SGO1: variants seen among roughly 807,000 people sequenced by gnomAD.
The protein encoded by SGO1 is shugoshin 1.
Under a neutral mutation model 50.5 loss-of-function variants are expected in SGO1, and 39 were observed. That is an observed-to-expected ratio of 0.77 (90% CI 0.60 to 1.01). The LOEUF is 1.01. SGO1 is among the 50% of genes least tolerant of loss of function. The pLI is 0.00. For synonymous variants in SGO1, 191 were observed against 205.1 expected (o/e 0.93, Z 0.59); for missense variants, 638 against 606.0 (o/e 1.05, Z -0.55).
exon 9 of SGO1, chr3:20,161,182 A>G (rs1700019191): frequency 1.2e-6 from 2 of 1,610,112 alleles, no homozygotes; most frequent in Admixed American, 1.7e-5. Context: ...CGAACATAAT[A>G]TAAAATAAAA....
intron 3 of SGO1, among the ~76,000 whole-genome samples, chr3:20,182,858 A>C (rs1463691444): frequency 6.6e-6 from 1 of 152,062 alleles, no homozygotes; most frequent in Non-Finnish European, 1.5e-5. Context: ...CTCTACTAAA[A>C]ATACAAAAAA....
At chr3:20,165,439 A>G (rs998478162), downstream of SGO1, among the ~76,000 whole-genome samples, 1 of 152,228 alleles carries the variant, frequency 6.6e-6, no homozygotes, top group African/African-American at 2.4e-5. Flanking sequence ...AAAAATCAAT[A>G]AAAGCAAAAT....
At chr3:20,161,186 A>G (rs534917089) in exon 9 of SGO1, 1 of 1,610,076 alleles carries the variant, frequency 6.2e-7, no homozygotes, top group South Asian at 1.1e-5. Context: ...CATAATATAA[A>G]ATAAAAATTG....
downstream of SGO1, chr3:20,169,045 TAAA>T: frequency 1.0e-6 from 1 of 985,028 alleles, no homozygotes; most frequent in Non-Finnish European, 1.2e-6. Flanking sequence ...AAAAAAAACT[TAAA>T]AATTAAGAGA....
rs778735689 is a variant in SGO1 at position 20,176,630 on chromosome 3, G to C, written c.446C>G (p.Pro149Arg). ...TATTTGAAATGATTCTCCTTGTCCTGGAAGTTCAGTTTCTTCAAGAGGAAT... is the reference window on the plus strand; with the variant it reads ...TATTTGAAATGATTCTCCTTGTCCTCGAAGTTCAGTTTCTTCAAGAGGAAT... ...PQIPLEETEL[P>R]GQGESFQIED... Residue 149 changes from proline to arginine, a missense_variant, in exon 5 of 8, where the codon CCA (proline) becomes CGA (arginine). Pro to Arg is a moderately radical substitution (Grantham distance 103). Transcript: ENST00000412997. The C allele has an allele frequency of 1.9e-6, 3 of 1,562,018 alleles. No individual in the cohort carries two copies. Among genetic ancestry groups the C allele is most frequent in the East Asian group, 4.7e-5 (2 of 42,490 alleles).
chr3:20,171,197 T>C lies in SGO1; in HGVS notation c.1318A>G (p.Ser440Gly), dbSNP rs375090371. ...PPETQQSPHL[S>G]LKDITNVSLY... ...GAGACATTGGTGATATCCTTCAGGCTAAGATGAGGTGACTGCTGAGTTTCA... is the reference window on the plus strand; with the variant it reads ...GAGACATTGGTGATATCCTTCAGGCCAAGATGAGGTGACTGCTGAGTTTCA... The change falls in exon 7 of 8, where the codon AGC (serine) becomes GGC (glycine). Residue 440 changes from serine to glycine, a missense_variant. Transcript: ENST00000412997. 35 of 1,605,856 alleles carry C rather than the reference T, an allele frequency of 2.2e-5. No homozygotes were observed. In the African/African-American group the frequency reaches 4.7e-4, roughly 22 times the overall value.
chr3:20,169,696 A>G lies in SGO1; in HGVS notation c.*1008T>C, dbSNP rs1467063615. ...AGGAGCTACCCTGAAAGTACATGAC[A>G]TTTGTAATTTTATGGAGACATCACT... On this transcript the variant is annotated 3_prime_UTR_variant, in exon 8 of 8. Transcript: ENST00000412997. The G allele has an allele frequency of 1.1e-6, 1 of 914,220 alleles. No individual in the cohort carries two copies. Among genetic ancestry groups the G allele is most frequent in the East Asian group, 1.2e-4 (1 of 8,470 alleles). The allele number at this position is 914,220 out of a possible 1,614,324, so 56.6% of individuals were successfully genotyped here.
At chr3:20,170,853 C>T (rs756287205) in intron 7 of SGO1, 38 bp from the exon 8 acceptor site, 5 of 1,572,492 alleles carry the variant, frequency 3.2e-6, no homozygotes. Context: ...ATAATGTAAG[C>T]ATCCCAATAT....
chr3:20,160,876 A>G, exon 9 of SGO1: 1 of 369,312 alleles, frequency 2.7e-6, no homozygotes, highest in Non-Finnish European at 4.8e-6. Flanking sequence ...ACCAAAAGGA[A>G]ACTTAAAAGA....
rs1701108758 is a variant in SGO1, at chr3:20,174,315, T to C, written c.1216A>G (p.Lys406Glu). Residue 406 changes from lysine to glutamate, a missense_variant, in exon 6 of 8, where the codon AAA (lysine) becomes GAA (glutamate). Physicochemically the swap from Lys to Glu is moderately conservative, Grantham distance 56. Transcript: ENST00000412997. ...SDRPVTRPLA[K>E]RALKYTDEKE... is the part of the protein sequence containing the mutation. Reference sequence around the variant, plus strand: ...TCATCTGTGTATTTCAGTGCTCTTTTAGCTAGAGGCCTGGTGACTGGTCTA... The same window carrying C: ...TCATCTGTGTATTTCAGTGCTCTTTCAGCTAGAGGCCTGGTGACTGGTCTA... 1.2e-6 allele frequency: 2 copies of C among 1,614,064 alleles called. No homozygotes were observed. Among genetic ancestry groups the C allele is most frequent in the South Asian group, 1.1e-5 (1 of 91,080 alleles).
Position 20,172,041 on chromosome 3 carries a change from T to C in SGO1, c.1283-809A>G, listed in dbSNP as rs537745179. 1.0e-4 allele frequency among the ~76,000 whole-genome samples: 16 copies of C among 152,382 alleles called. No homozygotes were observed. In the South Asian group the frequency reaches 3.1e-3, roughly 30 times the overall value. On this transcript the variant is annotated intron_variant, in intron 6 of 7. Transcript: ENST00000412997. Reference sequence around the variant, plus strand: ...CTAAGAGCCATATGCTCCAGTGTTATCTGGGTTTTATAGTCTGTCCTTTTT... The same window carrying C: ...CTAAGAGCCATATGCTCCAGTGTTACCTGGGTTTTATAGTCTGTCCTTTTT...
downstream of SGO1, chr3:20,168,871 G>T (rs1700454153): frequency 1.2e-6 from 1 of 826,580 alleles, no homozygotes; most frequent in Admixed American, 6.2e-5. Flanking sequence ...GACCTCTCGT[G>T]ATCTGCCCGC....
chr3:20,174,198 G>T, intron 6 of SGO1, 51 bp downstream of exon 6: 1 of 1,387,130 alleles, frequency 7.2e-7, no homozygotes, highest in South Asian at 1.2e-5. Flanking sequence ...CATCAGGAGT[G>T]ATCATTTATC....
intron 6 of SGO1, among the ~76,000 whole-genome samples, chr3:20,171,738 A>T (rs1700767916): frequency 6.6e-6 from 1 of 152,168 alleles, no homozygotes; most frequent in African/African-American, 2.4e-5. Flanking sequence ...CTCTTCCTAT[A>T]GTCTTATAAA....
intron 8 of SGO1, among the ~76,000 whole-genome samples, chr3:20,162,139 G>A (rs1700071967): frequency 6.6e-6 from 1 of 152,182 alleles, no homozygotes; most frequent in South Asian, 2.1e-4. Flanking sequence ...TGCAGAGAAA[G>A]AGCTCCAGAA....
chr3:20,168,979 A>T, downstream of SGO1: 10 of 985,260 alleles, frequency 1.0e-5, no homozygotes, highest in Non-Finnish European at 1.2e-5. Context: ...AGTTTAAGAT[A>T]GCTACTCTAG....
chr3:20,167,943 G>A (rs1388502776), downstream of SGO1, among the ~76,000 whole-genome samples: 1 of 152,096 alleles, frequency 6.6e-6, no homozygotes, highest in Non-Finnish European at 1.5e-5. Context: ...AAGAAGAAAT[G>A]AATAAGTCTG....
In SGO1 at chr3:20,170,595, G is replaced by A. The variant is rs1455620234; in HGVS notation, c.*109C>T. The stretch of plus-strand genomic sequence containing the variant: ...TGTTTATGAGCTAGGGTCCTGTCAA[G>A]AGAATATTCTATGGCAATGGCTCAC... On this transcript the variant is annotated 3_prime_UTR_variant, in exon 8 of 8. Transcript: ENST00000412997. 5 of 1,381,116 alleles carry A rather than the reference G, an allele frequency of 3.6e-6. No individual in the cohort carries two copies. Among genetic ancestry groups the A allele is most frequent in the Non-Finnish European group, 4.7e-6 (5 of 1,071,482 alleles). 85.6% of individuals were successfully genotyped at this position (1,381,116 alleles called of 1,614,324 possible).
chr3:20,173,305 T>A (rs1257775264), intron 6 of SGO1, among the ~76,000 whole-genome samples: 1 of 151,972 alleles, frequency 6.6e-6, no homozygotes, highest in Admixed American at 6.6e-5. Flanking sequence ...GCCTGGCTCA[T>A]TTTTTTGTAT....
Sources: gnomAD v4.1 joint callset for allele counts (sites outside exome capture counted in the v4.1 genomes callset) on GRCh38, gnomAD v4.1.1 for gene constraint, MANE v1.5 for transcripts, NCBI Gene and HGNC (gene_info 2026-07-23, HGNC 2026-07-21) for gene names.